Variants in RLN2 observed in about 807,000 individuals in gnomAD.
The protein encoded by RLN2 is relaxin 2.
RLN2 carries 10 observed loss-of-function variants against 7.3 expected under a neutral mutation model. That is an observed-to-expected ratio of 1.36 (90% CI 0.84 to 2.31). The LOEUF (loss-of-function observed/expected upper bound fraction) is 2.31, where lower values mean the gene tolerates loss of function less well. Among genes scored for constraint, RLN2 ranks in the 30% most tolerant of loss-of-function variants. RLN2 has a pLI of 0.00. For synonymous variants in RLN2, 103 were observed against 82.3 expected, an observed-to-expected ratio of 1.25 and a Z score of -1.36; for missense variants, 298 against 217.6, an observed-to-expected ratio of 1.37 and a Z score of -2.32.
At chr9:5,311,781 A>G in the RLN2 span, 4 of 742,806 alleles carry the variant, frequency 5.4e-6, no homozygotes, top group African/African-American at 1.8e-5. Flanking sequence ...TGATTTTTTT[A>G]TCAAGTTTTA....
At chr9:5,310,208 A>G in the RLN2 span, among the ~76,000 whole-genome samples, 1 of 151,792 alleles carries the variant, frequency 6.6e-6, no homozygotes, top group Non-Finnish European at 1.5e-5. Flanking sequence ...CCCTCCACCA[A>G]TTTTTTGCAC....
At chr9:5,322,758 C>G in the RLN2 span, among the ~76,000 whole-genome samples, 2 of 151,960 alleles carry the variant, frequency 1.3e-5, no homozygotes, top group Non-Finnish European at 2.9e-5. Flanking sequence ...CATTTTACAT[C>G]ATAAAGCTTT....
the RLN2 span, among the ~76,000 whole-genome samples, chr9:5,328,084 T>A: frequency 1.3e-5 from 2 of 151,960 alleles, no homozygotes; most frequent in Non-Finnish European, 2.9e-5. Flanking sequence ...AGAAGTAGGC[T>A]TCAGAAGGTT....
chr9:5,301,139 C>T (rs1283192151), intron 1 of RLN2, among the ~76,000 whole-genome samples: 3 of 152,220 alleles, frequency 2.0e-5, no homozygotes, highest in East Asian at 3.8e-4. Flanking sequence ...TTTGTATCTG[C>T]TGTGGAGTAT....
At chr9:5,335,642 C>A in the RLN2 span, 2 of 1,177,436 alleles carry the variant, frequency 1.7e-6, no homozygotes, top group East Asian at 2.4e-5. Context: ...GTATTCACGT[C>A]AAAGAGCATT....
chr9:5,335,479 T>G, the RLN2 span: 1 of 1,613,362 alleles, frequency 6.2e-7, no homozygotes, highest in Non-Finnish European at 8.5e-7. Context: ...GCTGTAGCTC[T>G]GGTAATGATG....
chr9:5,301,909 C>T (rs1014714549), intron 1 of RLN2, among the ~76,000 whole-genome samples: 1 of 152,152 alleles, frequency 6.6e-6, no homozygotes, highest in Non-Finnish European at 1.5e-5. Flanking sequence ...CTGGAAATGA[C>T]AGATGAGAAT....
upstream of RLN2, among the ~76,000 whole-genome samples, chr9:5,307,483 C>G (rs1816276770): frequency 1.3e-5 from 2 of 151,598 alleles, no homozygotes; most frequent in African/African-American, 2.4e-5. Flanking sequence ...GATGGTTTAC[C>G]ACAGGAAATC....
upstream of RLN2, among the ~76,000 whole-genome samples, chr9:5,307,251 AT>A (rs1235419890): frequency 9.3e-5 from 11 of 118,768 alleles, 1 homozygote; most frequent in African/African-American, 3.4e-4. Context: ...TGATAGATAG[AT>A]GATAGATAGA....
At chr9:5,335,990 T>C in the RLN2 span, among the ~76,000 whole-genome samples, 4 of 152,074 alleles carry the variant, frequency 2.6e-5, no homozygotes, top group Admixed American at 1.3e-4. Flanking sequence ...TTTCTTCCAT[T>C]GCTAAGCTAT....
Position 5,304,446 on chromosome 9 carries a change from G to T in RLN2, c.135C>A (p.Ala45=). 1 of 1,613,042 alleles carries T rather than the reference G, an allele frequency of 6.2e-7. No homozygotes were observed. Among genetic ancestry groups the T allele is most frequent in the Admixed American group, 1.7e-5 (1 of 59,928 alleles). Residue 45 remains alanine, a synonymous_variant, in exon 1 of 2, where the codon GCC becomes GCA. Transcript: ENST00000381627. ...CGRELVRAQI[A]ICGMSTWSKR... ...TGCTCCAGGTGCTCATGCCGCAAATGGCAATCTGCGCGCGAACTAATTCGC... is the reference window on the plus strand; with the variant it reads ...TGCTCCAGGTGCTCATGCCGCAAATTGCAATCTGCGCGCGAACTAATTCGC...
At chr9:5,322,640 A>G in the RLN2 span, among the ~76,000 whole-genome samples, 1 of 151,948 alleles carries the variant, frequency 6.6e-6, no homozygotes, top group African/African-American at 2.4e-5. Flanking sequence ...TGATAAAGCT[A>G]CAAACATCCT....
chr9:5,305,359 CCACACACACACACA>C (rs34733616), upstream of RLN2, among the ~76,000 whole-genome samples: 363 of 121,896 alleles, frequency 3.0e-3, 2 homozygotes, highest in African/African-American at 0.01. Flanking sequence ...GGAGAACATA[CCACACACACACACA>C]CACACACACA....
the RLN2 span, chr9:5,335,565 C>A: frequency 6.2e-7 from 1 of 1,610,430 alleles, no homozygotes; most frequent in Non-Finnish European, 8.5e-7. Flanking sequence ...ATTATAGTTT[C>A]TGTATCTTTG....
Position 5,300,255 on chromosome 9 carries a change from C to G in RLN2, c.401G>C (p.Arg134Pro). The change falls in exon 2 of 2, where the codon CGC becomes CCC. Residue 134 changes from arginine to proline, a missense_variant. By Grantham distance (103) the Arg-to-Pro change is moderately radical (BLOSUM62 -2). Transcript: ENST00000381627. ...LLFEEFKKLI[R>P]NRQSEAADSS... ...GTCTGCGGCTTCACTTTGTCTATTG[C>G]GAATAAGTTTCTTAAATTCTTCAAA... is the stretch of plus-strand genomic sequence containing the variant. The G allele has an allele frequency of 6.2e-7, 1 of 1,613,866 alleles. No homozygotes were observed. The highest frequency in any genetic ancestry group is 1.3e-5 in the African/African-American group (1 of 75,020).
chr9:5,321,881 T>C, the RLN2 span, among the ~76,000 whole-genome samples: 1 of 151,882 alleles, frequency 6.6e-6, no homozygotes, highest in African/African-American at 2.4e-5. Flanking sequence ...TACACTGGAG[T>C]TTGTGAGCTT....
At chr9:5,312,253 T>G in the RLN2 span, among the ~76,000 whole-genome samples, 1 of 152,022 alleles carries the variant, frequency 6.6e-6, no homozygotes, top group African/African-American at 2.4e-5. Flanking sequence ...TGTCTTCTTC[T>G]CCCTTTCCAT....
At chr9:5,335,706 ATAAAT>A in the RLN2 span, 102 of 683,314 alleles carry the variant, frequency 1.5e-4, no homozygotes, top group Non-Finnish European at 2.3e-4. Flanking sequence ...TTGCCTCAAT[ATAAAT>A]TAAACATTGA....
At chr9:5,335,388 C>T in the RLN2 span, 53 of 1,613,444 alleles carry the variant, frequency 3.3e-5, 3 homozygotes, top group South Asian at 1.9e-4. Context: ...TTGCTGTCTG[C>T]GGCTTCACTT....
Sources: gnomAD v4.1 joint callset for allele counts (sites outside exome capture counted in the v4.1 genomes callset) on GRCh38, gnomAD v4.1.1 for gene constraint, MANE v1.5 for transcripts, NCBI Gene and HGNC (gene_info 2026-07-23, HGNC 2026-07-21) for gene names.